CDKL5: variants seen among roughly 807,000 people sequenced by gnomAD.
The protein encoded by CDKL5 is cyclin dependent kinase like 5.
In CDKL5, 8 loss-of-function variants were observed where a neutral mutation model predicts 61.7. The ratio of observed to expected loss-of-function variants is 0.13; its 90% CI spans 0.08 to 0.23. The LOEUF is 0.23. Ranked by LOEUF, CDKL5 falls within the 10% of genes least tolerant of loss-of-function variation. The pLI, the probability that CDKL5 is intolerant of heterozygous loss-of-function variation, is 1.00. For synonymous variants in CDKL5, 275 were observed against 272.3 expected, an observed-to-expected ratio of 1.01 and a Z score of -0.10; for missense variants, 440 against 734.5, an observed-to-expected ratio of 0.60 and a Z score of 4.63.
At chrX:18,619,809 A>G in intron 15 of CDKL5, 58 bp from the exon 16 acceptor site, 2 of 799,666 alleles carry the variant, frequency 2.5e-6, no homozygotes, top group South Asian at 2.3e-5. Flanking sequence ...TATATTTGTC[A>G]CACAATGGCA....
At chrX:18,619,553 T>TTAAGC (rs1410426222) in intron 15 of CDKL5, among the ~76,000 whole-genome samples, 1 of 111,876 alleles carries the variant, frequency 8.9e-6, no homozygotes, top group Non-Finnish European at 1.9e-5. Context: ...AAGCCATCCT[T>TTAAGC]TAAGCTGTGT....
At chrX:18,591,158 C>A (rs1389180675) in intron 9 of CDKL5, among the ~76,000 whole-genome samples, 1 of 111,598 alleles carries the variant, frequency 9.0e-6, no homozygotes, top group African/African-American at 3.3e-5. Flanking sequence ...TAGTCTTTCT[C>A]TCCCACAGCA....
At chrX:18,561,563 T>G (rs1006114013) in intron 3 of CDKL5, among the ~76,000 whole-genome samples, 6 of 111,282 alleles carry the variant, frequency 5.4e-5, no homozygotes, top group Non-Finnish European at 1.1e-4. Context: ...TAACCTCAGA[T>G]TAATTTAAAA....
At chrX:18,553,641 T>G (rs1924485931) in intron 3 of CDKL5, among the ~76,000 whole-genome samples, 1 of 111,071 alleles carries the variant, frequency 9.0e-6, no homozygotes, top group Admixed American at 9.6e-5. Flanking sequence ...TACAGGCGTG[T>G]GCTACCACGC....
At chrX:18,622,877 T>C (rs1038804941) in intron 16 of CDKL5, among the ~76,000 whole-genome samples, 2 of 111,907 alleles carry the variant, frequency 1.8e-5, no homozygotes, top group Non-Finnish European at 3.8e-5. Context: ...AGTTAAACTC[T>C]TCCTCGAGGT....
chrX:18,501,855 G>A lies in CDKL5; in HGVS notation c.-162-5080G>A, dbSNP rs144029824. On this transcript the variant is annotated intron_variant, in intron 1 of 17. Transcript: ENST00000623535. ...TGAGCCACCACGCCCGGCCACAAATGTTCTTTACAAATACTTTTATACAGA... is the reference window on the plus strand; with the variant it reads ...TGAGCCACCACGCCCGGCCACAAATATTCTTTACAAATACTTTTATACAGA... Among the ~76,000 whole-genome samples the A allele has an allele frequency of 4.5e-3, 507 of 112,419 alleles. 4 individuals are homozygous for A. Among genetic ancestry groups the A allele is most frequent in the African/African-American group, 0.015 (459 of 31,002 alleles).
At chrX:18,454,063 C>A (rs1932083447) in intron 1 of CDKL5, among the ~76,000 whole-genome samples, 1 of 111,365 alleles carries the variant, frequency 9.0e-6, no homozygotes, top group African/African-American at 3.3e-5. Flanking sequence ...AGGAGGTAGC[C>A]TTTATGTAGA....
chrX:18,519,064 G>A (rs373442895), intron 3 of CDKL5, among the ~76,000 whole-genome samples: 53 of 111,091 alleles, frequency 4.8e-4, no homozygotes, highest in African/African-American at 1.7e-3. Flanking sequence ...TCCCCAAATG[G>A]CACAGTTGAA....
intron 1 of CDKL5, among the ~76,000 whole-genome samples, chrX:18,432,603 C>CT (rs778402912): frequency 0.012 from 1,068 of 89,932 alleles, 15 homozygotes; most frequent in East Asian, 0.031. Flanking sequence ...TAAAAGATGT[C>CT]TTTTTTTTTT....
At chrX:18,567,462 T>C (rs747051557) in intron 4 of CDKL5, among the ~76,000 whole-genome samples, 4 of 111,966 alleles carry the variant, frequency 3.6e-5, no homozygotes, top group African/African-American at 1.3e-4. Flanking sequence ...TGTAAAAATA[T>C]TGTTAACTGA....
chrX:18,647,248 A>G, intron 20 of CDKL5: 1 of 1,210,855 alleles, frequency 8.3e-7, no homozygotes, highest in African/African-American at 1.7e-5. Flanking sequence ...ATACCAGCCC[A>G]CATACTGCTC....
chrX:18,523,667 A>G (rs1225152282), intron 3 of CDKL5, among the ~76,000 whole-genome samples: 3 of 111,820 alleles, frequency 2.7e-5, no homozygotes, highest in Non-Finnish European at 5.6e-5. Flanking sequence ...CTTGCCCTCT[A>G]TTTATAGTCT....
intron 3 of CDKL5, among the ~76,000 whole-genome samples, chrX:18,521,853 CAT>C (rs1232418521): frequency 1.8e-5 from 2 of 112,008 alleles, no homozygotes; most frequent in Admixed American, 9.5e-5. Flanking sequence ...TGGCCATAGA[CAT>C]GTGGGTTTGT....
At chrX:18,465,113 G>A (rs1932372098) in intron 1 of CDKL5, among the ~76,000 whole-genome samples, 1 of 111,225 alleles carries the variant, frequency 9.0e-6, no homozygotes, top group Non-Finnish European at 1.9e-5. Flanking sequence ...GTGTAAGTTG[G>A]AGGTTAAGTT....
chrX:18,631,043 G>C lies in CDKL5; in HGVS notation c.*2286G>C. ...TGTGCTATGCGCTTAGGAACTGCAC[G>C]GTCCCGTTGCCATGCTGTGGCATTC... On this transcript the variant is annotated 3_prime_UTR_variant, in exon 18 of 18. Transcript: ENST00000623535. The C allele has an allele frequency of 1.3e-6, 1 of 752,145 alleles. No homozygotes were observed. The highest frequency in any genetic ancestry group is 1.6e-6 in the Non-Finnish European group (1 of 638,967). 62.0% of individuals were successfully genotyped at this position (752,145 alleles called of 1,213,427 possible). A position where few individuals can be genotyped will look rare whatever the true frequency, so the allele number is the denominator to read the frequency against.
chrX:18,471,675 T>C (rs1921102336), intron 1 of CDKL5, among the ~76,000 whole-genome samples: 1 of 112,493 alleles, frequency 8.9e-6, no homozygotes, highest in African/African-American at 3.2e-5. Context: ...TATGATCCAC[T>C]GTGCCCAGCC....
At chrX:18,571,632 A>G (rs1204086394) in intron 4 of CDKL5, among the ~76,000 whole-genome samples, 1 of 111,329 alleles carries the variant, frequency 9.0e-6, no homozygotes, top group Non-Finnish European at 1.9e-5. Flanking sequence ...AGCCTGTGTA[A>G]TTGGAATGTG....
intron 1 of CDKL5, among the ~76,000 whole-genome samples, chrX:18,485,403 G>A (rs187874251): frequency 4.3e-3 from 474 of 111,526 alleles, no homozygotes; most frequent in Non-Finnish European, 6.9e-3. Context: ...GTATAACACT[G>A]GTAAAATGCT....
intron 17 of CDKL5, among the ~76,000 whole-genome samples, chrX:18,626,615 G>C (rs1449628555): frequency 9.8e-6 from 1 of 101,749 alleles, no homozygotes; most frequent in Non-Finnish European, 2.0e-5. Context: ...AAAGAATAGA[G>C]AGCTTTAGAA....
Sources: allele counts gnomAD v4.1 joint callset (sites outside exome capture counted in the v4.1 genomes callset), GRCh38; gene constraint gnomAD v4.1.1; transcripts MANE v1.5; gene names NCBI Gene and HGNC (gene_info 2026-07-23, HGNC 2026-07-21).